The following NALF1 variants were observed in gnomAD, a reference collection of about 807,000 sequenced individuals.
NALF1 encodes family with sequence similarity 155 member A.
In NALF1, 3 loss-of-function variants were observed where a neutral mutation model predicts 48.4. The ratio of observed to expected loss-of-function variants is 0.06; its 90% CI spans 0.03 to 0.16. The LOEUF is 0.16. NALF1 is among the 10% of genes least tolerant of loss of function. NALF1 has a pLI of 1.00. For synonymous variants in NALF1, 262 were observed against 245.7 expected (o/e 1.07, Z -0.62); for missense variants, 526 against 571.5 (o/e 0.92, Z 0.81).
chr13:107,668,007 T>C (rs1179981922), intron 1 of NALF1, among the ~76,000 whole-genome samples: 1 of 152,116 alleles, frequency 6.6e-6, no homozygotes, highest in Admixed American at 6.6e-5. Context: ...AAAATATGTG[T>C]CCATGTGGAA....
intron 1 of NALF1, among the ~76,000 whole-genome samples, chr13:107,814,226 A>G (rs1879093756): frequency 1.3e-5 from 2 of 152,224 alleles, no homozygotes; most frequent in East Asian, 1.9e-4. Context: ...CCTTGCCATG[A>G]TATTGTCAAC....
intron 1 of NALF1, among the ~76,000 whole-genome samples, chr13:107,421,446 T>C (rs567207538): frequency 1.3e-5 from 2 of 152,308 alleles, no homozygotes; most frequent in Admixed American, 1.3e-4. Flanking sequence ...ATACCTTTGA[T>C]TCAAAAAACA....
intron 1 of NALF1, among the ~76,000 whole-genome samples, chr13:107,712,672 T>C (rs12874600): frequency 0.064 from 9,741 of 152,258 alleles, 457 homozygotes; most frequent in South Asian, 0.15. Context: ...ACTGCTATAC[T>C]CATAATTTTC....
chr13:107,751,145 T>A (rs2138552729), intron 1 of NALF1, among the ~76,000 whole-genome samples: 1 of 152,338 alleles, frequency 6.6e-6, no homozygotes, highest in South Asian at 2.1e-4. Flanking sequence ...ATTATCTATT[T>A]TGTAGGCATA....
chr13:107,829,781 T>A (rs1469156482), intron 1 of NALF1, among the ~76,000 whole-genome samples: 1 of 151,776 alleles, frequency 6.6e-6, no homozygotes, highest in East Asian at 1.9e-4. Flanking sequence ...TTTCTATACT[T>A]TTTACAATTA....
intron 1 of NALF1, among the ~76,000 whole-genome samples, chr13:107,781,343 A>G (rs539708639): frequency 1.3e-5 from 2 of 152,304 alleles, no homozygotes; most frequent in South Asian, 4.1e-4. Context: ...TATTACATAA[A>G]CCTTAAGAGA....
intron 1 of NALF1, among the ~76,000 whole-genome samples, chr13:107,751,405 C>T (rs1177666174): frequency 6.6e-6 from 1 of 152,158 alleles, no homozygotes; most frequent in Non-Finnish European, 1.5e-5. Context: ...ATAGTTATAG[C>T]TACATGATGT....
intron 1 of NALF1, among the ~76,000 whole-genome samples, chr13:107,512,592 A>G (rs1875927589): frequency 6.6e-6 from 1 of 152,094 alleles, no homozygotes; most frequent in Non-Finnish European, 1.5e-5. Flanking sequence ...CAGCTCCATG[A>G]CTGTCCTACA....
At position 107,192,328 on chromosome 13, in the gene NALF1, C is replaced by T. The variant is rs143257288; in HGVS notation, c.1087+18256G>A. On this transcript the variant is annotated intron_variant, in intron 2 of 2. Coordinates refer to ENST00000375915, the MANE Select transcript of NALF1 (RefSeq NM_001080396.3). The stretch of plus-strand genomic sequence containing the variant: ...ACTGACACACAGATATTCTGCTTTG[C>T]CAGTCCAGCTGAGTGTGTCTGGGCC... Among the ~76,000 whole-genome samples the T allele has an allele frequency of 7.6e-3, 1,163 of 152,290 alleles. 5 individuals carry two copies. Among genetic ancestry groups the T allele is most frequent in the Non-Finnish European group, 0.013 (861 of 68,030 alleles).
chr13:107,319,524 T>C (rs897153897), intron 1 of NALF1, among the ~76,000 whole-genome samples: 4 of 151,990 alleles, frequency 2.6e-5, no homozygotes, highest in Non-Finnish European at 4.4e-5. Flanking sequence ...ATTAATTAGA[T>C]ATGAGAAGAA....
rs1555332567 is a variant in NALF1, at chr13:107,325,887, T to TAC, written c.916-115134_916-115133dup. 3.2e-3 allele frequency among the ~76,000 whole-genome samples: 191 copies of TAC among 58,822 alleles called. 2 individuals carry two copies. Among genetic ancestry groups the TAC allele is most frequent in the African/African-American group, 3.9e-3 (75 of 19,026 alleles). The allele number at this position is 58,822 out of a possible 152,430, so 38.6% of individuals were successfully genotyped here. On this transcript the variant is annotated intron_variant, in intron 1 of 2. Coordinates refer to ENST00000375915, the MANE Select transcript of NALF1 (RefSeq NM_001080396.3). ...ATATATATATATATATATATATATA[T>TAC]ACACACACACACACACACACATATA...
At chr13:107,370,446 A>C (rs1326909441) in intron 1 of NALF1, among the ~76,000 whole-genome samples, 2 of 152,350 alleles carry the variant, frequency 1.3e-5, no homozygotes, top group East Asian at 3.9e-4. Flanking sequence ...CTAAATCAGT[A>C]GACCCTGGAC....
chr13:107,826,120 T>C (rs1272872871), intron 1 of NALF1, among the ~76,000 whole-genome samples: 1 of 131,224 alleles, frequency 7.6e-6, no homozygotes. Context: ...ACTATCCAGC[T>C]GATGGTCTTT....
intron 1 of NALF1, among the ~76,000 whole-genome samples, chr13:107,791,563 A>G (rs1232555987): frequency 6.6e-6 from 1 of 152,204 alleles, no homozygotes; most frequent in Non-Finnish European, 1.5e-5. Context: ...CTTCTAATGG[A>G]TATTTTATTT....
intron 1 of NALF1, among the ~76,000 whole-genome samples, chr13:107,267,631 T>A (rs146543047): frequency 5.3e-5 from 8 of 152,318 alleles, no homozygotes; most frequent in African/African-American, 1.4e-4. Context: ...GAATCCTATA[T>A]GTACTGTTTT....
chr13:107,844,883 T>C (rs550232273), intron 1 of NALF1, among the ~76,000 whole-genome samples: 10 of 152,226 alleles, frequency 6.6e-5, no homozygotes, highest in African/African-American at 1.9e-4. Flanking sequence ...TACCCAACAG[T>C]TGGTTCTTTC....
At chr13:107,720,514 A>G (rs1207055632) in intron 1 of NALF1, among the ~76,000 whole-genome samples, 1 of 150,804 alleles carries the variant, frequency 6.6e-6, no homozygotes, top group African/African-American at 2.4e-5. Flanking sequence ...GCATCTCAAA[A>G]AAAAAAAAAA....
chr13:107,483,518 T>G (rs953402261), intron 1 of NALF1, among the ~76,000 whole-genome samples: 1 of 152,094 alleles, frequency 6.6e-6, no homozygotes. Flanking sequence ...CTATAAAGAG[T>G]ATTTTTTATT....
At chr13:107,381,984 A>G (rs1489852318) in intron 1 of NALF1, among the ~76,000 whole-genome samples, 1 of 151,928 alleles carries the variant, frequency 6.6e-6, no homozygotes, top group Non-Finnish European at 1.5e-5. Context: ...GAGAAATAAC[A>G]GGAGTCATCT....
Sources: allele counts gnomAD v4.1 joint callset (sites outside exome capture counted in the v4.1 genomes callset), GRCh38; gene constraint gnomAD v4.1.1; transcripts MANE v1.5; gene names NCBI Gene and HGNC (gene_info 2026-07-23, HGNC 2026-07-21).